Variants in AGMO observed in about 807,000 individuals in gnomAD.
The protein encoded by AGMO is glyceryl-ether monooxygenase.
Under a neutral mutation model 60.2 loss-of-function variants are expected in AGMO, and 75 were observed. That is an observed-to-expected ratio of 1.25 (90% confidence interval 1.03 to 1.51). AGMO has a LOEUF of 1.51. Ranked by LOEUF, AGMO falls within the 40% of genes most tolerant of loss-of-function variation. AGMO has a pLI of 0.00. For synonymous variants in AGMO, 261 were observed against 177.1 expected, an observed-to-expected ratio of 1.47 and a Z score of -3.76; for missense variants, 763 against 525.5, an observed-to-expected ratio of 1.45 and a Z score of -4.42.
chr7:15,481,426 T>A (rs1293804326), intron 3 of AGMO, among the ~76,000 whole-genome samples: 2 of 151,938 alleles, frequency 1.3e-5, no homozygotes, highest in Admixed American at 1.3e-4. Context: ...CCTTGATTTT[T>A]AAAAAAACAT....
At chr7:15,153,868 T>C in the AGMO span, among the ~76,000 whole-genome samples, 5 of 152,130 alleles carry the variant, frequency 3.3e-5, no homozygotes, top group Admixed American at 1.3e-4. Flanking sequence ...TCTAGTTATG[T>C]GAAGAATAAT....
chr7:15,438,517 C>A (rs916476330), intron 3 of AGMO, among the ~76,000 whole-genome samples: 1 of 152,154 alleles, frequency 6.6e-6, no homozygotes. Context: ...TATTTTCTAG[C>A]CCCTTACCAC....
chr7:15,283,489 G>T (rs144137191), intron 12 of AGMO, among the ~76,000 whole-genome samples: 1 of 151,736 alleles, frequency 6.6e-6, no homozygotes, highest in African/African-American at 2.4e-5. Context: ...AAAAAGACAA[G>T]GTCATTATAT....
At chr7:15,454,343 C>A (rs1226731728) in intron 3 of AGMO, among the ~76,000 whole-genome samples, 4 of 150,786 alleles carry the variant, frequency 2.7e-5, no homozygotes, top group Non-Finnish European at 5.9e-5. Flanking sequence ...AAGAACAGAT[C>A]TTAAGTGTTC....
At chr7:15,222,367 T>C (rs1025066114) in intron 12 of AGMO, among the ~76,000 whole-genome samples, 7 of 151,996 alleles carry the variant, frequency 4.6e-5, no homozygotes, top group Non-Finnish European at 8.8e-5. Flanking sequence ...ACAGCAAACA[T>C]AGACAAAAAG....
chr7:15,197,014 GA>G (rs546967403), downstream of AGMO, among the ~76,000 whole-genome samples: 1 of 150,900 alleles, frequency 6.6e-6, no homozygotes, highest in African/African-American at 2.4e-5. Flanking sequence ...AGTGAGATTT[GA>G]AAAAAATGTT....
intron 12 of AGMO, among the ~76,000 whole-genome samples, chr7:15,328,940 TACCTGA>T (rs1781423616): frequency 1.3e-5 from 2 of 152,146 alleles, no homozygotes; most frequent in Admixed American, 6.6e-5. Context: ...CCTTGCCCTC[TACCTGA>T]ACCTGAACTC....
chr7:15,200,174 T>C (rs927603385), downstream of AGMO: 1 of 141,208 alleles, frequency 7.1e-6, no homozygotes, highest in Non-Finnish European at 1.5e-5. Context: ...TCAAGAAATA[T>C]TGGATAAATG....
At chr7:15,446,181 G>T (rs770680853) in intron 3 of AGMO, among the ~76,000 whole-genome samples, 1 of 152,176 alleles carries the variant, frequency 6.6e-6, no homozygotes, top group Non-Finnish European at 1.5e-5. Flanking sequence ...GTAATGGATA[G>T]CTTGCCTTGA....
At chr7:15,367,920 A>G (rs1408693594) in intron 10 of AGMO, among the ~76,000 whole-genome samples, 1 of 152,122 alleles carries the variant, frequency 6.6e-6, no homozygotes, top group Non-Finnish European at 1.5e-5. Context: ...CATCTGTCCA[A>G]AGTTATACAC....
Position 15,348,053 on chromosome 7 carries a change from TTC to T in AGMO, c.1263+17459_1263+17460del, listed in dbSNP as rs1782096913. 2.0e-5 allele frequency among the ~76,000 whole-genome samples: 3 copies of T among 152,126 alleles called. No homozygotes were observed. The South Asian group carries it at 6.2e-4, about 31-fold the overall frequency. On this transcript the variant is annotated intron_variant, in intron 12 of 12. Coordinates refer to ENST00000342526, the MANE Select transcript of AGMO (RefSeq NM_001004320.2). ...CTGTTACTTTTTGTGACTTTTGATC[TTC>T]CAGGGTAACTTGGATGTTTATCATG... is the stretch of plus-strand genomic sequence containing the variant.
Position 15,461,698 on chromosome 7 carries a change from A to G in AGMO, c.410-30590T>C, listed in dbSNP as rs148228104. On this transcript the variant is annotated intron_variant, in intron 3 of 12. Coordinates refer to ENST00000342526, the MANE Select transcript of AGMO (RefSeq NM_001004320.2). ...GGGAGATCAGAAGGAAAGCACACTC[A>G]GTAAATGATTCAGGATTTTAGAATT... Among the ~76,000 whole-genome samples, 391 of 152,244 alleles carry G rather than the reference A, an allele frequency of 2.6e-3. 4 individuals carry two copies. Among genetic ancestry groups the G allele is most frequent in the African/African-American group, 8.9e-3 (368 of 41,564 alleles).
At chr7:15,141,630 C>T in the AGMO span, among the ~76,000 whole-genome samples, 134,537 of 152,118 alleles carry the variant, frequency 0.88, 60,108 homozygotes, top group East Asian at 0.99. Flanking sequence ...ATGTGTTATG[C>T]AAGACCTAGT....
At position 15,293,434 on chromosome 7, in the gene AGMO, G is replaced by A. The variant is rs569119329; in HGVS notation, c.1263+72080C>T. ...TGAATATGTGGGTAGGGGGATAAGA[G>A]TGAGAGAAGGATTTATTTGCCTCCA... On this transcript the variant is annotated intron_variant, in intron 12 of 12. Coordinates refer to ENST00000342526, the MANE Select transcript of AGMO (RefSeq NM_001004320.2). 2.6e-5 allele frequency among the ~76,000 whole-genome samples: 4 copies of A among 152,280 alleles called. No homozygotes were observed. The East Asian group carries it at 5.8e-4, about 22-fold the overall frequency.
At chr7:15,478,352 G>A (rs1353912130) in intron 3 of AGMO, among the ~76,000 whole-genome samples, 1 of 152,080 alleles carries the variant, frequency 6.6e-6, no homozygotes, top group African/African-American at 2.4e-5. Flanking sequence ...TAATCTCCAA[G>A]GGTCTTTCTT....
intron 2 of AGMO, among the ~76,000 whole-genome samples, chr7:15,558,089 T>C (rs2115312780): frequency 6.6e-6 from 1 of 152,084 alleles, no homozygotes. Context: ...ATTCTTGTTT[T>C]CCTGTTATAA....
At chr7:15,490,131 T>C (rs1783033997) in intron 3 of AGMO, among the ~76,000 whole-genome samples, 1 of 152,228 alleles carries the variant, frequency 6.6e-6, no homozygotes, top group Admixed American at 6.5e-5. Flanking sequence ...ATCAGATTTA[T>C]ATGAAATGGA....
intron 10 of AGMO, among the ~76,000 whole-genome samples, chr7:15,384,070 G>A (rs1219314175): frequency 1.3e-5 from 2 of 152,042 alleles, no homozygotes; most frequent in African/African-American, 2.4e-5. Context: ...TGAATAGCTG[G>A]GACTACAGGG....
intron 12 of AGMO, among the ~76,000 whole-genome samples, chr7:15,297,472 A>T (rs750881316): frequency 2.2e-4 from 34 of 152,174 alleles, no homozygotes; most frequent in Non-Finnish European, 4.4e-4. Context: ...CTAATGACTC[A>T]TGAGTGCTTG....
Sources: gnomAD v4.1 joint callset for allele counts (sites outside exome capture counted in the v4.1 genomes callset) on GRCh38, gnomAD v4.1.1 for gene constraint, MANE v1.5 for transcripts, NCBI Gene and HGNC (gene_info 2026-07-23, HGNC 2026-07-21) for gene names.